PRICKLE1: variants seen among roughly 807,000 people sequenced by gnomAD.
PRICKLE1 encodes prickle planar cell polarity protein 1, also known as prickle-like protein 1.
PRICKLE1 carries 14 observed loss-of-function variants against 70.2 expected under a neutral mutation model. The ratio of observed to expected loss-of-function variants is 0.20; its 90% CI spans 0.13 to 0.31. PRICKLE1 has a LOEUF of 0.31. PRICKLE1 is among the 10% of genes least tolerant of loss of function. The pLI is 1.00. For missense variants in PRICKLE1, 821 were observed against 1,026.2 expected (o/e 0.80, Z 2.73); for synonymous variants, 357 against 379.9 (o/e 0.94, Z 0.70).
intron 6 of PRICKLE1, 141 bp from the exon 7 acceptor site, chr12:42,465,399 CT>C: frequency 1.3e-6 from 1 of 755,706 alleles, no homozygotes; most frequent in Non-Finnish European, 2.1e-6. Flanking sequence ...AATCCTCATT[CT>C]TTGTGGATTC....
In PRICKLE1 at chr12:42,560,526, A is replaced by G. The variant is rs539996203; in HGVS notation, c.-49+28939T>C. 6.7e-4 allele frequency among the ~76,000 whole-genome samples: 102 copies of G among 152,246 alleles called. 1 individual carries two copies. Among genetic ancestry groups the G allele is most frequent in the African/African-American group, 2.4e-3 (100 of 41,544 alleles). ...TGGGACTATTTGTTAGACAGGGTGG[A>G]AACAGAAAGAGAATATGTGACCCAG... On this transcript the variant is annotated intron_variant, in intron 1 of 7. Transcript: ENST00000345127.
chr12:42,554,144 A>G (rs938672503), intron 1 of PRICKLE1, among the ~76,000 whole-genome samples: 1 of 152,204 alleles, frequency 6.6e-6, no homozygotes, highest in Admixed American at 6.5e-5. Flanking sequence ...CAACAAAAAA[A>G]CAAAACAGGA....
At chr12:42,560,397 G>C (rs1196248382) in intron 1 of PRICKLE1, among the ~76,000 whole-genome samples, 1 of 152,028 alleles carries the variant, frequency 6.6e-6, no homozygotes, top group Non-Finnish European at 1.5e-5. Context: ...GCTTCCCAAA[G>C]TGCTGGGATT....
intron 3 of PRICKLE1, 198 bp downstream of exon 3, chr12:42,470,048 G>A (rs1938254467): frequency 1.7e-6 from 1 of 572,694 alleles, no homozygotes; most frequent in Non-Finnish European, 3.1e-6. Context: ...ACCAACTTGT[G>A]TTAAGTTTAT....
Position 42,459,575 on chromosome 12 carries a change from C to A in PRICKLE1, c.*234G>T, listed in dbSNP as rs1937716361. ...CAGCTACGTCCATCTGTAACGCACCCGCACCGGACAGGCACGAGATGTCAC... is the reference window on the plus strand; with the variant it reads ...CAGCTACGTCCATCTGTAACGCACCAGCACCGGACAGGCACGAGATGTCAC... On this transcript the variant is annotated 3_prime_UTR_variant, in exon 8 of 8. Transcript: ENST00000345127. 8 of 627,378 alleles carry A rather than the reference C, an allele frequency of 1.3e-5. No homozygotes were observed. Among genetic ancestry groups the A allele is most frequent in the African/African-American group, 1.8e-5 (1 of 54,458 alleles). 38.9% of individuals were successfully genotyped at this position (627,378 alleles called of 1,614,324 possible).
chr12:42,537,197 A>G (rs1940029161), intron 1 of PRICKLE1, among the ~76,000 whole-genome samples: 1 of 151,646 alleles, frequency 6.6e-6, no homozygotes, highest in African/African-American at 2.4e-5. Flanking sequence ...GGAGTGTAGT[A>G]CTATAATCAT....
intron 1 of PRICKLE1, chr12:42,584,608 A>G (rs1290640521): frequency 2.6e-5 from 4 of 152,188 alleles, no homozygotes; most frequent in Non-Finnish European, 5.9e-5. Context: ...GAAACCAAAT[A>G]GCCTTTATTT....
At chr12:42,489,656 C>CA (rs1939058583) in intron 1 of PRICKLE1, 1 of 47,960 alleles carries the variant, frequency 2.1e-5, no homozygotes, top group Non-Finnish European at 3.6e-5. Flanking sequence ...CGAGACTTCT[C>CA]TAAAAAAAAA....
chr12:42,572,247 A>C (rs1940728352), intron 1 of PRICKLE1, among the ~76,000 whole-genome samples: 1 of 152,054 alleles, frequency 6.6e-6, no homozygotes, highest in South Asian at 2.1e-4. Flanking sequence ...CAGCCTGGCC[A>C]ACATGGTGAA....
At chr12:42,461,164 A>C (rs1937817911) in intron 7 of PRICKLE1, among the ~76,000 whole-genome samples, 1 of 152,202 alleles carries the variant, frequency 6.6e-6, no homozygotes, top group Non-Finnish European at 1.5e-5. Context: ...TACAGGTATG[A>C]GCCACTGCAC....
At chr12:42,502,751 C>T (rs1013029831) in intron 1 of PRICKLE1, among the ~76,000 whole-genome samples, 3 of 152,130 alleles carry the variant, frequency 2.0e-5, no homozygotes, top group African/African-American at 2.4e-5. Context: ...TTCTCTATTT[C>T]TTTCCTTCCC....
At chr12:42,500,004 GC>G (rs2140180658) in intron 1 of PRICKLE1, among the ~76,000 whole-genome samples, 1 of 152,148 alleles carries the variant, frequency 6.6e-6, no homozygotes, top group South Asian at 2.1e-4. Flanking sequence ...ACCTGCCTTG[GC>G]CTCCCAAAGG....
rs993756077 is a variant in PRICKLE1, at chr12:42,589,680, CG to C, written c.-265del. Reference sequence around the variant, plus strand: ...CAGGCTGCGCGAGGCTGGCATGTTCCGGGCGCGCTGTCGGGCGGCGGCGGCC... The same window carrying C: ...CAGGCTGCGCGAGGCTGGCATGTTCCGGCGCGCTGTCGGGCGGCGGCGGCC... On this transcript the variant is annotated 5_prime_UTR_variant, in exon 1 of 8. Transcript: ENST00000345127. This position sits in a 1 kb window ranked among gnomAD's most constrained non-coding sequence, Gnocchi z 5.0. 7.9e-5 allele frequency: 12 copies of C among 151,742 alleles called. No individual in the cohort carries two copies. The highest frequency in any genetic ancestry group is 2.7e-4 in the African/African-American group (11 of 41,336). 9.4% of individuals were successfully genotyped at this position (151,742 alleles called of 1,614,324 possible).
At position 42,457,394 on chromosome 12, in the gene PRICKLE1, CTT is replaced by C. The variant is rs1937630474; in HGVS notation, c.*2413_*2414del. The C allele has an allele frequency of 1.3e-5, 2 of 152,254 alleles. No homozygotes were observed. The highest frequency in any genetic ancestry group is 3.9e-4 in the East Asian group (2 of 5,186). The allele number at this position is 152,254 out of a possible 1,614,324, so 9.4% of individuals were successfully genotyped here. A position where few individuals can be genotyped will look rare whatever the true frequency, so the allele number is the denominator to read the frequency against. Reference sequence around the variant, plus strand: ...TTTATAAGCAACATATTGCAACAGTCTTTTCTAAAAGGATGCCCACTTGTGGC... The same window carrying C: ...TTTATAAGCAACATATTGCAACAGTCTTCTAAAAGGATGCCCACTTGTGGC... On this transcript the variant is annotated 3_prime_UTR_variant, in exon 8 of 8. Transcript: ENST00000345127.
chr12:42,572,068 A>T (rs1306568781), intron 1 of PRICKLE1, among the ~76,000 whole-genome samples: 2 of 152,176 alleles, frequency 1.3e-5, no homozygotes, highest in East Asian at 3.8e-4. Context: ...TTGCAGATTT[A>T]AAAAAATTAT....
intron 1 of PRICKLE1, among the ~76,000 whole-genome samples, chr12:42,491,239 C>T (rs1055304082): frequency 2.0e-5 from 3 of 151,590 alleles, no homozygotes; most frequent in African/African-American, 4.8e-5. Context: ...AAAAATATTA[C>T]ACTATTTACA....
Position 42,458,769 on chromosome 12 carries a change from G to C in PRICKLE1, c.*1040C>G, listed in dbSNP as rs1207839858. On this transcript the variant is annotated 3_prime_UTR_variant, in exon 8 of 8. Coordinates refer to ENST00000345127, the MANE Select transcript of PRICKLE1 (RefSeq NM_153026.3). Reference sequence around the variant, plus strand: ...ATGAGAAAGGCACCCCCCGCAGGCAGGGGGAAAAAACCCACTCGCTGAAAC... The same window carrying C: ...ATGAGAAAGGCACCCCCCGCAGGCACGGGGAAAAAACCCACTCGCTGAAAC... The C allele has an allele frequency of 6.6e-6, 1 of 152,168 alleles. No individual in the cohort carries two copies. The highest frequency in any genetic ancestry group is 1.5e-5 in the Non-Finnish European group (1 of 68,072). The allele number at this position is 152,168 out of a possible 1,614,324, so 9.4% of individuals were successfully genotyped here. A position where few individuals can be genotyped will look rare whatever the true frequency, so the allele number is the denominator to read the frequency against.
intron 1 of PRICKLE1, among the ~76,000 whole-genome samples, chr12:42,535,539 G>A (rs1422956853): frequency 1.3e-5 from 2 of 152,212 alleles, no homozygotes; most frequent in Non-Finnish European, 2.9e-5. Context: ...TGACCATTGA[G>A]AAAATTGTTT....
At chr12:42,537,697 A>G (rs934273427) in intron 1 of PRICKLE1, among the ~76,000 whole-genome samples, 7 of 152,208 alleles carry the variant, frequency 4.6e-5, no homozygotes, top group African/African-American at 1.7e-4. Flanking sequence ...TGAATATTTC[A>G]TATGTGCTGA....
Sources: allele counts gnomAD v4.1 joint callset (sites outside exome capture counted in the v4.1 genomes callset), GRCh38; gene constraint gnomAD v4.1.1; non-coding constraint Gnocchi (gnomAD v3.1); transcripts MANE v1.5; gene names NCBI Gene and HGNC (gene_info 2026-07-23, HGNC 2026-07-21).